Variants in SEPTIN9 observed in about 807,000 individuals in gnomAD.
SEPTIN9 encodes septin 9.
In SEPTIN9, 13 loss-of-function variants were observed where a neutral mutation model predicts 56.6. The observed-to-expected ratio is 0.23, with a 90% CI of 0.15 to 0.37. The LOEUF (loss-of-function observed/expected upper bound fraction) is 0.37, where lower values mean the gene tolerates loss of function less well. Ranked by LOEUF, SEPTIN9 falls within the 10% of genes least tolerant of loss-of-function variation. The pLI, the probability that SEPTIN9 is intolerant of heterozygous loss-of-function variation, is 1.00. For missense variants in SEPTIN9, 650 were observed against 823.1 expected (o/e 0.79, Z 2.57); for synonymous variants, 332 against 334.1 (o/e 0.99, Z 0.07).
At chr17:77,482,114 G>T in intron 3 of SEPTIN9, 30 bp from the exon 4 acceptor site, 2 of 1,539,034 alleles carry the variant, frequency 1.3e-6, no homozygotes, top group Non-Finnish European at 8.8e-7. Context: ...CCCCTGTTCC[G>T]CTCTAACTCC....
At chr17:77,401,953 C>T (rs2035913959) in intron 2 of SEPTIN9, 106 bp from the exon 3 acceptor site, 5 of 1,182,974 alleles carry the variant, frequency 4.2e-6, no homozygotes, top group Non-Finnish European at 6.0e-6. Context: ...CCCCGGCCCT[C>T]ACCGCCGCAT....
At position 77,330,997 on chromosome 17, in the gene SEPTIN9, A is replaced by C. The variant is rs1481348693; in HGVS notation, c.76+23800A>C. Among the ~76,000 whole-genome samples, 1 of 152,214 alleles carries C rather than the reference A, an allele frequency of 6.6e-6. No homozygotes were observed. Among genetic ancestry groups the C allele is most frequent in the East Asian group, 1.9e-4 (1 of 5,192 alleles). On this transcript the variant is annotated intron_variant, in intron 2 of 11. Coordinates refer to ENST00000427177, the MANE Select transcript of SEPTIN9 (RefSeq NM_001113491.2). The surrounding 1 kb of genome is among the most constrained non-coding windows in gnomAD (Gnocchi z 4.4). ...TTCGATGCAGTGATGCAGGGCTGTC[A>C]GCCATGCCAGCAGGCCCTGCTGCTC...
chr17:77,465,159 C>T (rs548537430), intron 3 of SEPTIN9, among the ~76,000 whole-genome samples: 2 of 152,326 alleles, frequency 1.3e-5, no homozygotes, highest in Admixed American at 6.5e-5. Flanking sequence ...CACATTGTAG[C>T]AGGTGCTGGT....
chr17:77,485,018 ATTG>A, intron 4 of SEPTIN9, among the ~76,000 whole-genome samples: 1 of 84,664 alleles, frequency 1.2e-5, no homozygotes, highest in Non-Finnish European at 2.3e-5. Context: ...GATGGTGGTG[ATTG>A]TGATGGTGGT....
At chr17:77,351,228 AACAC>A (rs10537405) in intron 2 of SEPTIN9, among the ~76,000 whole-genome samples, 6,646 of 144,522 alleles carry the variant, frequency 0.046, 251 homozygotes, top group East Asian at 0.16. Context: ...GCGTGCACAC[AACAC>A]ACACACACAC....
intron 2 of SEPTIN9, among the ~76,000 whole-genome samples, chr17:77,350,270 G>C (rs548426096): frequency 1.3e-5 from 2 of 152,318 alleles, no homozygotes; most frequent in Admixed American, 6.5e-5. Flanking sequence ...CCTCCTTCCT[G>C]TGCAGCCCAC....
chr17:77,378,045 G>A (rs1179509566), intron 2 of SEPTIN9, among the ~76,000 whole-genome samples: 1 of 152,140 alleles, frequency 6.6e-6, no homozygotes, highest in African/African-American at 2.4e-5. Context: ...TTAGAGGGGG[G>A]CGGACACAGC....
chr17:77,323,347 A>G lies in SEPTIN9; in HGVS notation c.76+16150A>G, dbSNP rs2033012638. Among the ~76,000 whole-genome samples, 1 of 152,088 alleles carries G rather than the reference A, an allele frequency of 6.6e-6. No individual in the cohort carries two copies. The highest frequency in any genetic ancestry group is 2.1e-4 in the South Asian group (1 of 4,828). On this transcript the variant is annotated intron_variant, in intron 2 of 11. Transcript: ENST00000427177. This position sits in a 1 kb window ranked among gnomAD's most constrained non-coding sequence, Gnocchi z 6.8. ...CTGGAACGGCTTTGTGGCTTTTACAAATTAAGCAGTTTTATCTTGTTCCAA... is the reference window on the plus strand; with the variant it reads ...CTGGAACGGCTTTGTGGCTTTTACAGATTAAGCAGTTTTATCTTGTTCCAA...
chr17:77,370,555 G>A (rs899555813), intron 2 of SEPTIN9, among the ~76,000 whole-genome samples: 3 of 152,212 alleles, frequency 2.0e-5, no homozygotes, highest in Admixed American at 1.3e-4. Context: ...TGTAGGTCTC[G>A]TTGTGCACTG....
intron 3 of SEPTIN9, among the ~76,000 whole-genome samples, chr17:77,481,015 C>T (rs2039434349): frequency 6.6e-6 from 1 of 152,220 alleles, no homozygotes; most frequent in Non-Finnish European, 1.5e-5. Flanking sequence ...CATGCGCATG[C>T]ACCAGTGAGT....
chr17:77,354,790 C>T (rs367539), intron 2 of SEPTIN9, among the ~76,000 whole-genome samples: 36,781 of 151,794 alleles, frequency 0.24, 4,610 homozygotes, highest in South Asian at 0.35. Flanking sequence ...GCGGTGCAAT[C>T]GTGACGCCTG....
intron 3 of SEPTIN9, chr17:77,481,809 C>T: frequency 2.8e-6 from 1 of 361,006 alleles, no homozygotes; most frequent in South Asian, 3.5e-5. Context: ...GGTACGGAGA[C>T]AGGAGTTCAG....
chr17:77,488,374 ACCC>A, intron 6 of SEPTIN9, 53 bp downstream of exon 6: 3 of 1,511,830 alleles, frequency 2.0e-6, no homozygotes, highest in Non-Finnish European at 2.8e-6. Flanking sequence ...GGCTCCCTGG[ACCC>A]CACCCAGAGT....
chr17:77,452,684 G>A (rs1454094467), intron 3 of SEPTIN9, among the ~76,000 whole-genome samples: 7 of 151,976 alleles, frequency 4.6e-5, no homozygotes, highest in Non-Finnish European at 1.0e-4. Context: ...GTTGGAAGAG[G>A]AGGAAGCAGA....
chr17:77,481,854 G>A, intron 3 of SEPTIN9: 2 of 477,458 alleles, frequency 4.2e-6, no homozygotes, highest in Admixed American at 3.5e-5. Context: ...GGGGCCCCCA[G>A]CTTGGCACAG....
At chr17:77,493,307 C>T in intron 10 of SEPTIN9, 1 of 552,730 alleles carries the variant, frequency 1.8e-6, no homozygotes, top group Non-Finnish European at 3.3e-6. Flanking sequence ...GGGAAAGATT[C>T]AGGGAGACAG....
intron 3 of SEPTIN9, among the ~76,000 whole-genome samples, chr17:77,462,407 C>G (rs2038517775): frequency 6.6e-6 from 1 of 152,164 alleles, no homozygotes; most frequent in Non-Finnish European, 1.5e-5. Context: ...AGCTCAGACT[C>G]CCAAGTAGCT....
intron 1 of SEPTIN9, chr17:77,294,708 C>T (rs1404128940): frequency 6.5e-6 from 1 of 152,804 alleles, no homozygotes; most frequent in Non-Finnish European, 1.5e-5. Flanking sequence ...GTTTTGACTC[C>T]ACATTGAAGG....
In SEPTIN9 at chr17:77,313,945, A is replaced by G. The variant is rs1429339408; in HGVS notation, c.76+6748A>G. On this transcript the variant is annotated intron_variant, in intron 2 of 11. Transcript: ENST00000427177. The surrounding 1 kb of genome is among the most constrained non-coding windows in gnomAD (Gnocchi z 4.5). ...GCTAGGCATGGTGACCCATGCCTGT[A>G]ATCCCAGTACTTTTGGAGCCGAGGT... 6.6e-6 allele frequency among the ~76,000 whole-genome samples: 1 copy of G among 152,018 alleles called. No homozygotes were observed. The highest frequency in any genetic ancestry group is 1.5e-5 in the Non-Finnish European group (1 of 68,002).
Sources: allele counts gnomAD v4.1 joint callset (sites outside exome capture counted in the v4.1 genomes callset), GRCh38; gene constraint gnomAD v4.1.1; non-coding constraint Gnocchi (gnomAD v3.1); transcripts MANE v1.5; gene names NCBI Gene and HGNC (gene_info 2026-07-23, HGNC 2026-07-21).